TMEM108: variants seen among roughly 807,000 people sequenced by gnomAD.
The protein encoded by TMEM108 is cancer/testis antigen 124.
A neutral mutation model predicts 35.1 loss-of-function variants in TMEM108; 12 were observed. That is an observed-to-expected ratio of 0.34 (90% confidence interval 0.22 to 0.55). TMEM108 has a LOEUF of 0.55. TMEM108 is among the 20% of genes least tolerant of loss of function. The pLI is 0.89. For missense variants in TMEM108, 680 were observed against 753.3 expected (o/e 0.90, Z 1.14); for synonymous variants, 287 against 308.6 (o/e 0.93, Z 0.73).
intron 2 of TMEM108, among the ~76,000 whole-genome samples, chr3:133,222,589 A>G (rs1330558219): frequency 6.6e-6 from 1 of 151,468 alleles, no homozygotes; most frequent in Non-Finnish European, 1.5e-5. Flanking sequence ...TTCTCCTCTG[A>G]CTATATATTT....
chr3:133,059,071 G>C (rs1345005848), intron 2 of TMEM108, among the ~76,000 whole-genome samples: 1 of 152,188 alleles, frequency 6.6e-6, no homozygotes, highest in Non-Finnish European at 1.5e-5. Context: ...TTCTCATTGT[G>C]TCCTCCTCAC....
intron 2 of TMEM108, among the ~76,000 whole-genome samples, chr3:133,139,642 T>C (rs566632574): frequency 6.6e-6 from 1 of 152,320 alleles, no homozygotes; most frequent in Non-Finnish European, 1.5e-5. Context: ...TTGCCCAGCC[T>C]TGTATACCTT....
At chr3:133,120,292 G>T (rs999036116) in intron 2 of TMEM108, among the ~76,000 whole-genome samples, 11 of 152,216 alleles carry the variant, frequency 7.2e-5, no homozygotes, top group African/African-American at 2.7e-4. Flanking sequence ...ATTGAAAGCA[G>T]TGTGTTCAAC....
Position 133,252,350 on chromosome 3 carries a change from A to G in TMEM108, c.40+22999A>G, listed in dbSNP as rs186243031. The stretch of plus-strand genomic sequence containing the variant: ...GGGCACCATTCACATTCTAAGCTGT[A>G]TAAATTGTGTCCTCCAGGTGTTGTG... On this transcript the variant is annotated intron_variant, in intron 3 of 5. Coordinates refer to ENST00000321871, the MANE Select transcript of TMEM108 (RefSeq NM_023943.4). 2.2e-3 allele frequency among the ~76,000 whole-genome samples: 342 copies of G among 152,290 alleles called. 2 individuals are homozygous for G. Among genetic ancestry groups the G allele is most frequent in the African/African-American group, 7.7e-3 (321 of 41,584 alleles).
Position 133,292,311 on chromosome 3 carries a change from A to G in TMEM108, c.40+62960A>G, listed in dbSNP as rs140731352. Reference sequence around the variant, plus strand: ...TGTTTTATAAATATCAAGGTTCTTCATAAGATTTCTTCAAATAAAGGTTTC... The same window carrying G: ...TGTTTTATAAATATCAAGGTTCTTCGTAAGATTTCTTCAAATAAAGGTTTC... On this transcript the variant is annotated intron_variant, in intron 3 of 5. Transcript: ENST00000321871. 2.3e-3 allele frequency among the ~76,000 whole-genome samples: 353 copies of G among 152,334 alleles called. 2 individuals are homozygous for G. The highest frequency in any genetic ancestry group is 8.0e-3 in the African/African-American group (331 of 41,570).
At chr3:133,105,805 A>G (rs2107719387) in intron 2 of TMEM108, among the ~76,000 whole-genome samples, 1 of 152,306 alleles carries the variant, frequency 6.6e-6, no homozygotes, top group Admixed American at 6.5e-5. Flanking sequence ...AAAAGTGTCA[A>G]ACTATTTTCT....
At chr3:133,154,939 A>G (rs1468933690) in intron 2 of TMEM108, among the ~76,000 whole-genome samples, 1 of 152,140 alleles carries the variant, frequency 6.6e-6, no homozygotes, top group Non-Finnish European at 1.5e-5. Context: ...AAGTAAACTC[A>G]TGACTAGGAG....
At chr3:133,134,149 G>T (rs2107747902) in intron 2 of TMEM108, among the ~76,000 whole-genome samples, 1 of 151,760 alleles carries the variant, frequency 6.6e-6, no homozygotes, top group South Asian at 2.1e-4. Context: ...TCACATTTGT[G>T]CATTCTAGTT....
At chr3:133,176,294 A>G (rs1314294884) in intron 2 of TMEM108, among the ~76,000 whole-genome samples, 1 of 152,202 alleles carries the variant, frequency 6.6e-6, no homozygotes, top group African/African-American at 2.4e-5. Context: ...ATACCCAGGA[A>G]TTGAACTCAG....
chr3:133,224,435 G>A (rs1277346718), intron 2 of TMEM108, among the ~76,000 whole-genome samples: 1 of 152,186 alleles, frequency 6.6e-6, no homozygotes, highest in Non-Finnish European at 1.5e-5. Context: ...TATTGATACA[G>A]TTTGGCTGTG....
chr3:133,050,978 G>GTT (rs58955436), intron 2 of TMEM108, among the ~76,000 whole-genome samples: 3,476 of 145,352 alleles, frequency 0.024, 81 homozygotes, highest in South Asian at 0.068. Flanking sequence ...CTGTGTGCGA[G>GTT]TTTTTTTTTT....
chr3:133,356,807 A>G (rs2072186947), intron 3 of TMEM108, among the ~76,000 whole-genome samples: 1 of 152,218 alleles, frequency 6.6e-6, no homozygotes. Flanking sequence ...CTCGCCTTAT[A>G]CAAAAATCAA....
At chr3:133,148,211 A>G (rs767393594) in intron 2 of TMEM108, among the ~76,000 whole-genome samples, 7 of 152,172 alleles carry the variant, frequency 4.6e-5, no homozygotes, top group Admixed American at 1.3e-4. Flanking sequence ...TGATTCTAAG[A>G]CTGGGAGAGG....
At chr3:133,038,694 G>T (rs185321890) in intron 1 of TMEM108, among the ~76,000 whole-genome samples, 44 of 152,308 alleles carry the variant, frequency 2.9e-4, no homozygotes, top group African/African-American at 9.9e-4. Context: ...TTTGTTTCCC[G>T]CCTGGAGGGT....
chr3:133,385,881 C>T (rs868199935), intron 4 of TMEM108, among the ~76,000 whole-genome samples: 1 of 152,116 alleles, frequency 6.6e-6, no homozygotes, highest in East Asian at 1.9e-4. Flanking sequence ...GATGCAGGCA[C>T]CAAGATGGGA....
intron 3 of TMEM108, among the ~76,000 whole-genome samples, chr3:133,314,955 T>C (rs926424228): frequency 1.1e-4 from 16 of 152,250 alleles, no homozygotes; most frequent in Admixed American, 1.0e-3. Flanking sequence ...CAAAATGCCT[T>C]AGTTTAAAAC....
chr3:133,184,221 C>T (rs1303524032), intron 2 of TMEM108, among the ~76,000 whole-genome samples: 1 of 152,142 alleles, frequency 6.6e-6, no homozygotes, highest in East Asian at 1.9e-4. Context: ...GCTGTTACAT[C>T]AGATGTGATC....
chr3:133,150,463 C>G (rs571257637), intron 2 of TMEM108, among the ~76,000 whole-genome samples: 1 of 148,704 alleles, frequency 6.7e-6, no homozygotes, highest in Non-Finnish European at 1.5e-5. Flanking sequence ...CTCTAAGTTG[C>G]CTTTCCATTT....
chr3:133,223,347 C>A (rs1298795272), intron 2 of TMEM108, among the ~76,000 whole-genome samples: 1 of 152,180 alleles, frequency 6.6e-6, no homozygotes, highest in Non-Finnish European at 1.5e-5. Context: ...ATATCTCGGT[C>A]AGCAGGTGGT....
Sources: gnomAD v4.1 joint callset for allele counts (sites outside exome capture counted in the v4.1 genomes callset) on GRCh38, gnomAD v4.1.1 for gene constraint, MANE v1.5 for transcripts, NCBI Gene and HGNC (gene_info 2026-07-23, HGNC 2026-07-21) for gene names.